LPA: variants seen among roughly 807,000 people sequenced by gnomAD.
LPA encodes lipoprotein(a).
In LPA, 199 loss-of-function variants were observed where a neutral mutation model predicts 197.9. The ratio of observed to expected loss-of-function variants is 1.01; its 90% CI spans 0.90 to 1.13. The LOEUF is 1.13. LPA is among the 50% of genes most tolerant of loss of function. LPA has a pLI of 0.00. For missense variants in LPA, 1,853 were observed against 1,785.8 expected (o/e 1.04, Z -0.68); for synonymous variants, 715 against 639.5 (o/e 1.12, Z -1.78).
chr6:160,592,987 T>G (rs1053105788), intron 22 of LPA, among the ~76,000 whole-genome samples: 1 of 152,216 alleles, frequency 6.6e-6, no homozygotes. Flanking sequence ...TTGTTCTTTC[T>G]TTGTGAAAAC....
At chr6:160,659,202 C>A (rs1780181248) in intron 1 of LPA, among the ~76,000 whole-genome samples, 1 of 152,150 alleles carries the variant, frequency 6.6e-6, no homozygotes, top group South Asian at 2.1e-4. Context: ...TATTCTGGCT[C>A]TACAGCTTGG....
At chr6:160,584,069 C>T (rs868276131) in intron 26 of LPA, among the ~76,000 whole-genome samples, 2 of 152,204 alleles carry the variant, frequency 1.3e-5, no homozygotes, top group Middle Eastern at 3.4e-3. Flanking sequence ...CCTGCTTTTA[C>T]TCTGCCTGAC....
In LPA at chr6:160,599,600, G is replaced by C; in HGVS notation, c.3187C>G (p.Arg1063Gly). ...DCYYHYGQSY[R>G]GTYSTTVTGR... Reference sequence around the variant, plus strand: ...GTGACAGTGGTGGAGTATGTGCCTCGGTAACTCTGTCCATAATGGTAGTAG... The same window carrying C: ...GTGACAGTGGTGGAGTATGTGCCTCCGTAACTCTGTCCATAATGGTAGTAG... Residue 1063 changes from arginine (R) to glycine (G), a missense_variant, in exon 20 of 39, where the codon CGA becomes GGA. Physicochemically the swap from Arg to Gly is moderately radical, Grantham distance 125. This residue lies in a region of LPA where 1,737 missense variants were observed against 1,504.4 expected (regional missense o/e 1.15). Coordinates refer to ENST00000316300, the MANE Select transcript of LPA (RefSeq NM_005577.4). 1 of 1,614,074 alleles carries C rather than the reference G, an allele frequency of 6.2e-7. No individual in the cohort carries two copies. Among genetic ancestry groups the C allele is most frequent in the Non-Finnish European group, 8.5e-7 (1 of 1,179,976 alleles).
At chr6:160,575,080 G>T (rs1029902869) in intron 28 of LPA, among the ~76,000 whole-genome samples, 2 of 151,996 alleles carry the variant, frequency 1.3e-5, no homozygotes, top group African/African-American at 4.8e-5. Context: ...AATTTTCCTA[G>T]CTTTCTTTGA....
chr6:160,649,395 G>A (rs980561336), intron 2 of LPA, among the ~76,000 whole-genome samples: 4 of 152,096 alleles, frequency 2.6e-5, no homozygotes, highest in African/African-American at 9.7e-5. Context: ...CCAATGACTC[G>A]AGGAGATTTC....
At position 160,593,927 on chromosome 6, in the gene LPA, G is replaced by C. The variant is rs753674698; in HGVS notation, c.3629+31C>G. The C allele has an allele frequency of 9.9e-6, 16 of 1,611,834 alleles. No individual in the cohort carries two copies. The Admixed American group carries it at 1.5e-4, about 15-fold the overall frequency. On this transcript the variant is annotated intron_variant, in intron 22 of 38. Transcript: ENST00000316300. Reference sequence around the variant, plus strand: ...CCAAGAGAAATGTAAGGGGGCTGCTGTCTGTCTTTGAAGAAAACTCAAGGT... The same window carrying C: ...CCAAGAGAAATGTAAGGGGGCTGCTCTCTGTCTTTGAAGAAAACTCAAGGT...
At chr6:160,535,047 G>A (rs371342498) in intron 37 of LPA, among the ~76,000 whole-genome samples, 1,799 of 147,076 alleles carry the variant, frequency 0.012, 37 homozygotes, top group Middle Eastern at 0.12. Flanking sequence ...TAGTGGTGAT[G>A]GTGGTGGGTA....
At chr6:160,568,183 C>A (rs573272656) in intron 28 of LPA, among the ~76,000 whole-genome samples, 1 of 152,202 alleles carries the variant, frequency 6.6e-6, no homozygotes, top group African/African-American at 2.4e-5. Flanking sequence ...AGAGACACAA[C>A]AAAAATGAGA....
chr6:160,549,699 G>T lies in LPA; in HGVS notation c.4974-1040C>A, dbSNP rs541087203. The stretch of plus-strand genomic sequence containing the variant: ...TAAAAGACTTATAAAAGCTGACCTG[G>T]AAGACTAGGTCCCAGGCAGGATGCT... On this transcript the variant is annotated intron_variant, in intron 30 of 38. Transcript: ENST00000316300. 7.2e-5 allele frequency among the ~76,000 whole-genome samples: 11 copies of T among 152,294 alleles called. No homozygotes were observed. The South Asian group carries it at 2.3e-3, about 32-fold the overall frequency.
At position 160,536,726 on chromosome 6, in the gene LPA, G is replaced by C. The variant is rs570222362; in HGVS notation, c.5842+1129C>G. On this transcript the variant is annotated intron_variant, in intron 37 of 38. Coordinates refer to ENST00000316300, the MANE Select transcript of LPA (RefSeq NM_005577.4). ...CCCATAGGTGCCCCTCATTTGCCAAGTTTCCTTTTACCTGGCCTCAGTGCT... is the reference window on the plus strand; with the variant it reads ...CCCATAGGTGCCCCTCATTTGCCAACTTTCCTTTTACCTGGCCTCAGTGCT... 4.6e-5 allele frequency among the ~76,000 whole-genome samples: 7 copies of C among 152,264 alleles called. No homozygotes were observed. The South Asian group carries it at 1.5e-3, about 32-fold the overall frequency.
At chr6:160,651,022 A>G (rs1306402864) in intron 1 of LPA, among the ~76,000 whole-genome samples, 1 of 152,218 alleles carries the variant, frequency 6.6e-6, no homozygotes, top group Admixed American at 6.5e-5. Flanking sequence ...GTAGATGATC[A>G]AATCTTATTT....
chr6:160,561,191 T>A (rs1448788551), intron 28 of LPA, among the ~76,000 whole-genome samples: 1 of 152,226 alleles, frequency 6.6e-6, no homozygotes, highest in East Asian at 1.9e-4. Flanking sequence ...AGGGTTTTTA[T>A]GGTTTTAGGT....
At chr6:160,550,258 G>A (rs1484704120) in intron 30 of LPA, among the ~76,000 whole-genome samples, 1 of 151,310 alleles carries the variant, frequency 6.6e-6, no homozygotes, top group African/African-American at 2.4e-5. Context: ...GAGGACCCCG[G>A]TGGTGGGGGA....
At chr6:160,658,944 C>T (rs981652932) in intron 1 of LPA, among the ~76,000 whole-genome samples, 1 of 150,450 alleles carries the variant, frequency 6.6e-6, no homozygotes, top group Non-Finnish European at 1.5e-5. Context: ...AGTGAGTATA[C>T]CTATATCTAT....
intron 22 of LPA, among the ~76,000 whole-genome samples, chr6:160,592,548 T>C (rs939809609): frequency 6.6e-6 from 1 of 152,206 alleles, no homozygotes; most frequent in Non-Finnish European, 1.5e-5. Flanking sequence ...TGTTGAGTGA[T>C]TTTTCTCCCA....
intron 17 of LPA, 23 bp downstream of exon 17, chr6:160,606,454 G>C (rs554756489): frequency 1.9e-6 from 3 of 1,612,720 alleles, no homozygotes; most frequent in African/African-American, 2.7e-5. Context: ...AAACGTGTAG[G>C]TTTCTGGCCA....
Position 160,606,550 on chromosome 6 carries a change from T to G in LPA, c.2712A>C (p.Ser904=). ...RWEYCNLTQC[S]DAEGTAVAPP... ...GCGCGACGGCAGTCCCTTCTGCGTC[T>G]GAGCATTGTGTCAGGTTGCAGTACT... is the stretch of plus-strand genomic sequence containing the variant. The change falls in exon 17 of 39, where the codon TCA becomes TCC. Residue 904 remains serine (S), a synonymous_variant. Coordinates refer to ENST00000316300, the MANE Select transcript of LPA (RefSeq NM_005577.4). The G allele has an allele frequency of 6.2e-7, 1 of 1,613,842 alleles. No individual in the cohort carries two copies. The highest frequency in any genetic ancestry group is 8.5e-7 in the Non-Finnish European group (1 of 1,179,968).
intron 1 of LPA, among the ~76,000 whole-genome samples, chr6:160,662,507 G>A (rs1780243593): frequency 6.6e-6 from 1 of 152,126 alleles, no homozygotes; most frequent in Admixed American, 6.5e-5. Context: ...ATCAGAGAAT[G>A]TGCCCCCCAG....
intron 17 of LPA, 124 bp downstream of exon 17, chr6:160,606,353 A>C: frequency 7.2e-7 from 1 of 1,396,754 alleles, no homozygotes; most frequent in Non-Finnish European, 1.0e-6. Context: ...TTCCTCCTAC[A>C]TGACAGAACT....
Sources: allele counts gnomAD v4.1 joint callset (sites outside exome capture counted in the v4.1 genomes callset), GRCh38; gene constraint gnomAD v4.1.1; regional missense constraint gnomAD v4.1.1; transcripts MANE v1.5; gene names NCBI Gene and HGNC (gene_info 2026-07-23, HGNC 2026-07-21).